The following RAD54L2 variants were observed in gnomAD, a reference collection of about 807,000 sequenced individuals.
The protein encoded by RAD54L2 is RAD54 like 2.
In RAD54L2, 27 loss-of-function variants were observed where a neutral mutation model predicts 138.4. The ratio of observed to expected loss-of-function variants is 0.20; its 90% CI spans 0.14 to 0.27. The LOEUF (loss-of-function observed/expected upper bound fraction) is 0.27. Among genes scored for constraint, RAD54L2 ranks in the 10% least tolerant of loss-of-function variants. The pLI, the probability that RAD54L2 is intolerant of heterozygous loss-of-function variation, is 1.00. For synonymous variants in RAD54L2, 644 were observed against 723.2 expected, an observed-to-expected ratio of 0.89 and a Z score of 1.76; for missense variants, 1,396 against 1,890.2, an observed-to-expected ratio of 0.74 and a Z score of 4.85.
At chr3:51,652,555 G>GCATGGTA (rs1701469222) in intron 19 of RAD54L2, among the ~76,000 whole-genome samples, 1 of 152,132 alleles carries the variant, frequency 6.6e-6, no homozygotes, top group African/African-American at 2.4e-5. Flanking sequence ...AACCAAAACA[G>GCATGGTA]CATGGTACTG....
At position 51,567,976 on chromosome 3, in the gene RAD54L2, TG is replaced by T. The variant is rs1361515317; in HGVS notation, c.-54-22387del. On this transcript the variant is annotated intron_variant, in intron 2 of 22. Transcript: ENST00000684192. ...AAAAAAAAAAAGAATGTCTTAAAAATGGGGACATTTGGATGTGAAGGTGAAG... is the reference window on the plus strand; with the variant it reads ...AAAAAAAAAAAGAATGTCTTAAAAATGGGACATTTGGATGTGAAGGTGAAG... 4.1e-5 allele frequency among the ~76,000 whole-genome samples: 6 copies of T among 146,690 alleles called. No individual in the cohort carries two copies. The Admixed American group carries it at 4.1e-4, about 10-fold the overall frequency.
intron 2 of RAD54L2, among the ~76,000 whole-genome samples, chr3:51,562,050 C>G (rs1699110672): frequency 6.8e-6 from 1 of 147,178 alleles, no homozygotes; most frequent in Non-Finnish European, 1.5e-5. Flanking sequence ...TTTTTTTTCC[C>G]CCTGAGACCG....
intron 2 of RAD54L2, among the ~76,000 whole-genome samples, chr3:51,589,380 C>T (rs116596012): frequency 1.1e-3 from 164 of 152,228 alleles, no homozygotes; most frequent in African/African-American, 3.9e-3. Flanking sequence ...CACACTCCAG[C>T]CTGGCCAACA....
chr3:51,547,330 T>G (rs1553672503), intron 2 of RAD54L2, among the ~76,000 whole-genome samples: 6 of 151,726 alleles, frequency 4.0e-5, no homozygotes. Flanking sequence ...GAGCTGTAAT[T>G]GTGCCACTAT....
chr3:51,625,614 A>G (rs1577434834), intron 3 of RAD54L2, among the ~76,000 whole-genome samples: 1 of 152,062 alleles, frequency 6.6e-6, no homozygotes, highest in South Asian at 2.1e-4. Context: ...CTCCAAGCAC[A>G]TTGGGAATGT....
chr3:51,650,464 C>G (rs961918518), intron 19 of RAD54L2, among the ~76,000 whole-genome samples: 20 of 152,186 alleles, frequency 1.3e-4, no homozygotes, highest in Non-Finnish European at 2.8e-4. Context: ...ATTCTCCACC[C>G]CAAATCAATA....
chr3:51,582,633 C>T (rs950624502), intron 2 of RAD54L2, among the ~76,000 whole-genome samples: 4 of 151,012 alleles, frequency 2.6e-5, no homozygotes, highest in African/African-American at 7.3e-5. Flanking sequence ...GAGAAGGAAA[C>T]GAACCTTTCA....
intron 3 of RAD54L2, among the ~76,000 whole-genome samples, chr3:51,626,993 C>T (rs1700708531): frequency 6.6e-6 from 1 of 152,128 alleles, no homozygotes; most frequent in African/African-American, 2.4e-5. Flanking sequence ...ACACAAACTT[C>T]TTGAAGGGAA....
chr3:51,612,629 T>C (rs1443592478), intron 3 of RAD54L2, among the ~76,000 whole-genome samples: 5 of 151,928 alleles, frequency 3.3e-5, no homozygotes, highest in East Asian at 1.9e-4. Context: ...TATATACTTA[T>C]GTTGTTAGTA....
chr3:51,611,297 G>A (rs1421957923), intron 3 of RAD54L2: 1 of 151,586 alleles, frequency 6.6e-6, no homozygotes, highest in Non-Finnish European at 1.5e-5. Context: ...TACATAGTAG[G>A]TGTATATATT....
chr3:51,594,860 CTTTT>C (rs71278623), intron 3 of RAD54L2, among the ~76,000 whole-genome samples: 4 of 33,598 alleles, frequency 1.2e-4, no homozygotes, highest in South Asian at 8.5e-4. Context: ...TTGATGGGCG[CTTTT>C]TTTTTTTTTT....
intron 2 of RAD54L2, among the ~76,000 whole-genome samples, chr3:51,563,991 C>T (rs1172747380): frequency 6.6e-6 from 1 of 152,210 alleles, no homozygotes; most frequent in Non-Finnish European, 1.5e-5. Flanking sequence ...AGGGGGACAA[C>T]TTTTGGAAAG....
chr3:51,621,694 TC>T (rs1272211741), intron 3 of RAD54L2, among the ~76,000 whole-genome samples: 3 of 152,206 alleles, frequency 2.0e-5, no homozygotes, highest in Non-Finnish European at 4.4e-5. Context: ...CAACTGTTCC[TC>T]CAAGTGATTG....
At chr3:51,568,856 G>A (rs563281681) in intron 2 of RAD54L2, among the ~76,000 whole-genome samples, 8 of 152,292 alleles carry the variant, frequency 5.3e-5, no homozygotes, top group South Asian at 2.1e-4. Flanking sequence ...ATTATCATAT[G>A]TTTTAATTTG....
At chr3:51,599,386 A>G (rs747383849) in intron 3 of RAD54L2, among the ~76,000 whole-genome samples, 5 of 152,118 alleles carry the variant, frequency 3.3e-5, no homozygotes, top group Non-Finnish European at 7.4e-5. Context: ...GGATAGGATT[A>G]GGGGCAGAGA....
chr3:51,662,443 T>C lies in RAD54L2; in HGVS notation c.3427T>C (p.Cys1143Arg), dbSNP rs1260814771. 3 of 1,529,564 alleles carry C rather than the reference T, an allele frequency of 2.0e-6. No homozygotes were observed. Among genetic ancestry groups the C allele is most frequent in the Non-Finnish European group, 8.8e-7 (1 of 1,137,228 alleles). The allele number at this position is 1,529,564 out of a possible 1,614,324, so 94.7% of individuals were successfully genotyped here. A position where few individuals can be genotyped will look rare whatever the true frequency, so the allele number is the denominator to read the frequency against. Residue 1143 changes from cysteine to arginine, a missense_variant, in exon 23 of 23, where the codon TGC becomes CGC. Around this residue, in one of 7 missense-constraint regions of RAD54L2, gnomAD observed 634 missense variants for 711.2 expected, o/e 0.89. Coordinates refer to ENST00000684192, the MANE Select transcript of RAD54L2 (RefSeq NM_015106.4). The surrounding 1 kb of genome is among the most constrained non-coding windows in gnomAD (Gnocchi z 4.6). Reference protein sequence around the residue: ...MAASGSQGPSCESTSNGRHSA... With the variant: ...MAASGSQGPSRESTSNGRHSA... ...GTCCCCAGGTTCCCAGGGACCTTCTTGCGAGTCCACAAGCAACGGCAGACA... is the reference window on the plus strand; with the variant it reads ...GTCCCCAGGTTCCCAGGGACCTTCTCGCGAGTCCACAAGCAACGGCAGACA...
intron 6 of RAD54L2, 35 bp from the exon 7 acceptor site, chr3:51,630,670 T>G (rs1372612320): frequency 6.4e-7 from 1 of 1,552,684 alleles, no homozygotes; most frequent in East Asian, 2.3e-5. Context: ...CTTCACTCCC[T>G]GGATTTTTGG....
chr3:51,548,821 C>CTTTTTT (rs1168106948), intron 2 of RAD54L2, among the ~76,000 whole-genome samples: 9 of 101,306 alleles, frequency 8.9e-5, no homozygotes, highest in Non-Finnish European at 1.3e-4. Context: ...AGTAACTCTG[C>CTTTTTT]TTTTTTTTTT....
chr3:51,587,319 G>A (rs1367551438), intron 2 of RAD54L2, among the ~76,000 whole-genome samples: 3 of 151,768 alleles, frequency 2.0e-5, no homozygotes, highest in Non-Finnish European at 2.9e-5. Flanking sequence ...AGCCAGGATG[G>A]TTTTGATCTC....
Sources: allele counts gnomAD v4.1 joint callset (sites outside exome capture counted in the v4.1 genomes callset), GRCh38; gene constraint gnomAD v4.1.1; regional missense constraint gnomAD v4.1.1; non-coding constraint Gnocchi (gnomAD v3.1); transcripts MANE v1.5; gene names NCBI Gene and HGNC (gene_info 2026-07-23, HGNC 2026-07-21).